The following PKD1L1 variants were observed in gnomAD, a reference collection of about 807,000 sequenced individuals.
The protein encoded by PKD1L1 is polycystin-1-like protein 1.
PKD1L1 carries 236 observed loss-of-function variants against 323.4 expected under a neutral mutation model. The ratio of observed to expected loss-of-function variants is 0.73; its 90% confidence interval spans 0.66 to 0.81. The LOEUF (loss-of-function observed/expected upper bound fraction) is 0.81. Among genes scored for constraint, PKD1L1 ranks in the 40% least tolerant of loss-of-function variants. The probability of loss-of-function intolerance (pLI) is 0.00; values close to 1 mark genes in which losing one functional copy is unlikely to be tolerated. For synonymous variants in PKD1L1, 1,344 were observed against 1,335.0 expected (o/e 1.01, Z -0.15); for missense variants, 3,320 against 3,508.0 (o/e 0.95, Z 1.35).
intron 52 of PKD1L1, among the ~76,000 whole-genome samples, chr7:47,804,791 T>A (rs1784742634): frequency 6.6e-6 from 1 of 152,168 alleles, no homozygotes; most frequent in African/African-American, 2.4e-5. Flanking sequence ...AGCACATTTT[T>A]AATTTTCATA....
intron 2 of PKD1L1, among the ~76,000 whole-genome samples, chr7:47,941,559 C>T (rs1167905320): frequency 6.6e-6 from 1 of 152,186 alleles, no homozygotes; most frequent in Non-Finnish European, 1.5e-5. Flanking sequence ...ATAACAAAAG[C>T]TGAGGAAAAA....
At chr7:47,867,822 A>C (rs193284358) in intron 24 of PKD1L1, among the ~76,000 whole-genome samples, 2 of 152,348 alleles carry the variant, frequency 1.3e-5, no homozygotes, top group East Asian at 3.8e-4. Context: ...ATGTATAATA[A>C]TTATAACAAA....
chr7:47,817,367 C>T (rs975910525), intron 46 of PKD1L1, among the ~76,000 whole-genome samples: 3 of 152,152 alleles, frequency 2.0e-5, no homozygotes, highest in Admixed American at 1.3e-4. Flanking sequence ...ACTATGTTTA[C>T]AGGTAAGGTG....
At chr7:47,875,130 T>C (rs931800429) in intron 23 of PKD1L1, among the ~76,000 whole-genome samples, 1 of 152,132 alleles carries the variant, frequency 6.6e-6, no homozygotes, top group Non-Finnish European at 1.5e-5. Context: ...TCAAGAAAAC[T>C]CAAGATCAAA....
At chr7:47,881,070 TC>T (rs1786543991) in intron 20 of PKD1L1, among the ~76,000 whole-genome samples, 1 of 152,026 alleles carries the variant, frequency 6.6e-6, no homozygotes. Context: ...ACAAGAGAAT[TC>T]TGTTAGGATC....
At chr7:47,855,372 A>C in intron 28 of PKD1L1, 107 bp from the exon 29 acceptor site, 1 of 688,834 alleles carries the variant, frequency 1.5e-6, no homozygotes, top group South Asian at 2.6e-5. Flanking sequence ...CTTACATAAA[A>C]TTATATGCCT....
rs754383189 is a variant in PKD1L1, at chr7:47,846,972, T to C, written c.5060A>G (p.Gln1687Arg). The part of the protein sequence containing the change: ...AKAVNYTVHF[Q>R]WIRCLFWDKR... The stretch of plus-strand genomic sequence containing the variant: ...GTCCCAAAACAGGCATCGGATCCAC[T>C]GGAAATGTACTGTATAGTTCACTGC... Residue 1687 changes from glutamine (Q) to arginine (R), a missense_variant, in exon 32 of 57, where the codon CAG (glutamine) becomes CGG (arginine). By Grantham distance (43) the Gln-to-Arg change is conservative. Transcript: ENST00000289672. 1 of 1,614,038 alleles carries C rather than the reference T, an allele frequency of 6.2e-7. No homozygotes were observed. Among genetic ancestry groups the C allele is most frequent in the Non-Finnish European group, 8.5e-7 (1 of 1,179,942 alleles).
In PKD1L1 at chr7:47,915,564, T is replaced by C; in HGVS notation, c.1096A>G (p.Met366Val). ...FFHLLHFQLDMSTYKEAETQN... is the reference protein window; with the variant it reads ...FFHLLHFQLDVSTYKEAETQN... ...GTCTCTGCTTCTTTGTAGGTGGACA[T>C]ATCCAACTGAAAATGTAAAAGATGA... Residue 366 changes from methionine (M) to valine (V), a missense_variant, in exon 8 of 57, where the codon ATG becomes GTG. Transcript: ENST00000289672. The C allele has an allele frequency of 6.4e-7, 1 of 1,552,204 alleles. No individual in the cohort carries two copies. The highest frequency in any genetic ancestry group is 8.8e-7 in the Non-Finnish European group (1 of 1,131,324).
chr7:47,863,370 G>C (rs1786075268), intron 26 of PKD1L1, among the ~76,000 whole-genome samples: 1 of 152,038 alleles, frequency 6.6e-6, no homozygotes, highest in African/African-American at 2.4e-5. Context: ...TGGAGGTGTG[G>C]GTTGCAGAGT....
intron 27 of PKD1L1, among the ~76,000 whole-genome samples, chr7:47,858,433 A>G (rs1785950942): frequency 6.6e-6 from 1 of 152,180 alleles, no homozygotes; most frequent in Non-Finnish European, 1.5e-5. Context: ...ATGAAAATCT[A>G]CCAAAACAAA....
chr7:47,910,035 T>A (rs1787284377), intron 8 of PKD1L1, among the ~76,000 whole-genome samples: 1 of 152,222 alleles, frequency 6.6e-6, no homozygotes, highest in Non-Finnish European at 1.5e-5. Context: ...TGAGACAACA[T>A]TCATAACTCT....
Position 47,800,794 on chromosome 7 carries a change from G to A in PKD1L1, c.8048C>T (p.Thr2683Ile), listed in dbSNP as rs539066571. The change falls in exon 54 of 57, where the codon ACA becomes ATA. Residue 2683 changes from threonine to isoleucine, a missense_variant. By Grantham distance (89) the Thr-to-Ile change is moderately conservative. Transcript: ENST00000289672. ...AAACAGCAGCCCGGGGAAGGCGTCT[G>A]TGAAGGTGCCAGGTGGTAGAACCCA... Reference protein sequence around the residue: ...SMWVLPPGTFTDAFPGLLFHF... With the variant: ...SMWVLPPGTFIDAFPGLLFHF... The A allele has an allele frequency of 6.2e-6, 10 of 1,614,064 alleles. No homozygotes were observed. In the South Asian group the frequency reaches 7.7e-5, roughly 12 times the overall value.
Position 47,904,377 on chromosome 7 carries a change from C to G in PKD1L1, c.1931+1G>C. The G allele has an allele frequency of 6.2e-7, 1 of 1,614,040 alleles. No homozygotes were observed. Among genetic ancestry groups the G allele is most frequent in the Non-Finnish European group, 8.5e-7 (1 of 1,179,984 alleles). ...CACTCCGCCGCCTTGCAGTGGCTCA[C>G]CTACTGTAGACATGGCTGCTGGAGC... On this transcript the variant is annotated splice_donor_variant, in intron 12 of 56. Coordinates refer to ENST00000289672, the MANE Select transcript of PKD1L1 (RefSeq NM_138295.5). LOFTEE classifies it high-confidence loss of function.
the PKD1L1 span, among the ~76,000 whole-genome samples, chr7:47,959,536 C>G: frequency 1.4e-5 from 2 of 147,472 alleles, no homozygotes; most frequent in Non-Finnish European, 3.0e-5. Context: ...AGGTGAGGAG[C>G]GTCTCTGCCC....
chr7:47,936,349 C>A (rs2128757079), intron 4 of PKD1L1, among the ~76,000 whole-genome samples: 1 of 152,264 alleles, frequency 6.6e-6, no homozygotes, highest in South Asian at 2.1e-4. Context: ...CCCCTGGCAA[C>A]CACCCCACTC....
chr7:47,934,548 T>C (rs1787830731), intron 4 of PKD1L1, among the ~76,000 whole-genome samples: 1 of 152,188 alleles, frequency 6.6e-6, no homozygotes, highest in Non-Finnish European at 1.5e-5. Flanking sequence ...TCCTTTTATA[T>C]CCCTTTAGTT....
intron 34 of PKD1L1, among the ~76,000 whole-genome samples, 153 bp downstream of exon 34, chr7:47,842,809 G>A (rs960520950): frequency 1.3e-5 from 2 of 152,210 alleles, no homozygotes; most frequent in Admixed American, 6.5e-5. Context: ...GGCCAAGGGA[G>A]GGCAGTGGAA....
Position 47,836,907 on chromosome 7 carries a change from G to A in PKD1L1, c.5943+14C>T. 1.2e-6 allele frequency: 2 copies of A among 1,610,830 alleles called. No homozygotes were observed. Among genetic ancestry groups the A allele is most frequent in the Non-Finnish European group, 1.7e-6 (2 of 1,178,276 alleles). ...GATCTGGAAGCTGCTATAAGGAAAA[G>A]CGATGGCTCTCACCTGCTCTTGCCC... On this transcript the variant is annotated intron_variant, in intron 37 of 56. Transcript: ENST00000289672.
the PKD1L1 span, among the ~76,000 whole-genome samples, chr7:47,960,278 T>A: frequency 6.8e-6 from 1 of 148,128 alleles, no homozygotes; most frequent in Admixed American, 6.8e-5. Flanking sequence ...AGACCTTTGT[T>A]CACTTGTTTA....
Sources: allele counts gnomAD v4.1 joint callset (sites outside exome capture counted in the v4.1 genomes callset), GRCh38; gene constraint gnomAD v4.1.1; transcripts MANE v1.5; gene names NCBI Gene and HGNC (gene_info 2026-07-23, HGNC 2026-07-21).